The following DST variants were observed in gnomAD, a reference collection of about 807,000 sequenced individuals.
DST encodes the protein bullous pemphigoid antigen.
Under a neutral mutation model 875.2 loss-of-function variants are expected in DST, and 253 were observed. The ratio of observed to expected loss-of-function variants is 0.29; its 90% CI spans 0.26 to 0.32. DST has a LOEUF of 0.32. Ranked by LOEUF, DST falls within the 10% of genes least tolerant of loss-of-function variation. DST has a pLI of 1.00. For synonymous variants in DST, 3,124 were observed against 3,197.1 expected, an observed-to-expected ratio of 0.98 and a Z score of 0.77; for missense variants, 8,287 against 9,111.6, an observed-to-expected ratio of 0.91 and a Z score of 3.68.
rs746511377 is a variant in DST, at chr6:56,615,762, G to C, written c.4930-1278C>G. The C allele has an allele frequency of 2.5e-6, 4 of 1,614,116 alleles. No homozygotes were observed. The Admixed American group carries it at 6.7e-5, about 27-fold the overall frequency. On this transcript the variant is annotated intron_variant, in intron 36 of 103. Transcript: ENST00000680361. ...TCTATTGATAACCGAGAGTGAACCT[G>C]TGGCTCTATCAACCCTCCTGTCAAG...
intron 53 of DST, among the ~76,000 whole-genome samples, chr6:56,571,635 GT>G (rs1259419034): frequency 6.6e-6 from 1 of 152,034 alleles, no homozygotes; most frequent in African/African-American, 2.4e-5. Context: ...TTTTTCACAG[GT>G]TCATATCTCA....
In DST at chr6:56,821,547, C is replaced by G. The variant is rs116764990; in HGVS notation, c.625+29850G>C. ...GCTCCAGCTCCAACTCTAGTACTAA[C>G]TAGTTCTATGAGCTGAATATCTCTG... On this transcript the variant is annotated intron_variant, in intron 4 of 103. Coordinates refer to ENST00000680361, the MANE Select transcript of DST (RefSeq NM_001374736.1). Among the ~76,000 whole-genome samples, 735 of 152,320 alleles carry G rather than the reference C, an allele frequency of 4.8e-3. 8 individuals are homozygous for G. Among genetic ancestry groups the G allele is most frequent in the African/African-American group, 0.017 (709 of 41,570 alleles).
chr6:56,918,182 G>A (rs1445952449), intron 2 of DST, among the ~76,000 whole-genome samples: 1 of 148,974 alleles, frequency 6.7e-6, no homozygotes, highest in Non-Finnish European at 1.5e-5. Context: ...GCTGGAATGT[G>A]GTGGCATGAT....
At chr6:56,954,115 C>G (rs1187971811) in intron 1 of DST, among the ~76,000 whole-genome samples, 5 of 152,220 alleles carry the variant, frequency 3.3e-5, no homozygotes, top group Non-Finnish European at 7.3e-5. Context: ...GCTGGCGCAG[C>G]CCCGGACTAC....
At chr6:56,462,374 TAA>T (rs147169486) in intron 102 of DST, among the ~76,000 whole-genome samples, 1 of 152,128 alleles carries the variant, frequency 6.6e-6, no homozygotes, top group East Asian at 1.9e-4. Flanking sequence ...CATGCCGTAT[TAA>T]AAAGTTAGAG....
chr6:56,886,936 G>C (rs941503867), intron 3 of DST, among the ~76,000 whole-genome samples: 1 of 152,090 alleles, frequency 6.6e-6, no homozygotes, highest in Non-Finnish European at 1.5e-5. Flanking sequence ...AATAAAGAGA[G>C]AGAGACAGAA....
At chr6:56,812,471 TAGG>T (rs751944427) in intron 4 of DST, among the ~76,000 whole-genome samples, 14 of 152,324 alleles carry the variant, frequency 9.2e-5, no homozygotes, top group Non-Finnish European at 1.5e-4. Flanking sequence ...CTGTATTCTA[TAGG>T]AGGAGAAAAC....
intron 4 of DST, among the ~76,000 whole-genome samples, chr6:56,799,370 TA>T (rs1478394236): frequency 6.7e-6 from 1 of 149,914 alleles, no homozygotes; most frequent in Non-Finnish European, 1.5e-5. Context: ...TTTTTTTTTT[TA>T]AATCACATAC....
intron 9 of DST, chr6:56,692,563 A>G: frequency 7.8e-7 from 1 of 1,289,514 alleles, no homozygotes; most frequent in Non-Finnish European, 1.0e-6. Flanking sequence ...ACTTTTTTCG[A>G]GTGATCTTTC....
chr6:56,558,752 A>G (rs763502336), intron 58 of DST, among the ~76,000 whole-genome samples: 2 of 152,142 alleles, frequency 1.3e-5, no homozygotes, highest in Non-Finnish European at 2.9e-5. Flanking sequence ...CAATCTTTGA[A>G]GGTTTGTACT....
intron 4 of DST, among the ~76,000 whole-genome samples, chr6:56,767,763 T>C (rs1025168911): frequency 6.6e-6 from 1 of 151,978 alleles, no homozygotes; most frequent in Non-Finnish European, 1.5e-5. Flanking sequence ...AGAGGCAAGA[T>C]GGAATTTTAA....
intron 3 of DST, among the ~76,000 whole-genome samples, chr6:56,860,280 A>G (rs1770334905): frequency 6.6e-6 from 1 of 152,198 alleles, no homozygotes; most frequent in Non-Finnish European, 1.5e-5. Flanking sequence ...GAGTAAAGGA[A>G]AAGGTAGAGG....
intron 90 of DST, among the ~76,000 whole-genome samples, chr6:56,478,907 A>C (rs2095307735): frequency 6.6e-6 from 1 of 152,220 alleles, no homozygotes; most frequent in Admixed American, 6.5e-5. Context: ...ACAAAAACAA[A>C]TATAGACAAA....
At chr6:56,755,143 A>C (rs974411898) in intron 4 of DST, among the ~76,000 whole-genome samples, 1 of 152,110 alleles carries the variant, frequency 6.6e-6, no homozygotes, top group Non-Finnish European at 1.5e-5. Flanking sequence ...TAAAAAAAAA[A>C]AAAACAAGAC....
chr6:56,777,982 C>A (rs1378113979), intron 4 of DST, among the ~76,000 whole-genome samples: 1 of 152,110 alleles, frequency 6.6e-6, no homozygotes, highest in Non-Finnish European at 1.5e-5. Context: ...GGATTACAGG[C>A]ATGAGCCACT....
intron 4 of DST, among the ~76,000 whole-genome samples, chr6:56,813,600 T>C (rs2099763278): frequency 6.6e-6 from 1 of 152,112 alleles, no homozygotes; most frequent in Non-Finnish European, 1.5e-5. Context: ...ATAAAACTAG[T>C]TTCCTACTAT....
chr6:56,506,867 T>C (rs2096332707), intron 75 of DST, 78 bp from the exon 76 acceptor site: 1 of 1,369,388 alleles, frequency 7.3e-7, no homozygotes, highest in Non-Finnish European at 9.7e-7. Flanking sequence ...ACAATATCAA[T>C]GGTAGTTATT....
At chr6:56,880,232 T>C (rs893933023) in intron 3 of DST, among the ~76,000 whole-genome samples, 2 of 152,354 alleles carry the variant, frequency 1.3e-5, no homozygotes, top group East Asian at 1.9e-4. Context: ...ATTAAAAATA[T>C]ATTGAAATCT....
chr6:56,592,394 A>T, intron 48 of DST, 36 bp from the exon 49 acceptor site: 3 of 1,510,162 alleles, frequency 2.0e-6, no homozygotes, highest in Non-Finnish European at 2.7e-6. Context: ...AGGAGATTAA[A>T]ACCCACTATT....
Sources: allele counts gnomAD v4.1 joint callset (sites outside exome capture counted in the v4.1 genomes callset), GRCh38; gene constraint gnomAD v4.1.1; transcripts MANE v1.5; gene names NCBI Gene and HGNC (gene_info 2026-07-23, HGNC 2026-07-21).